COL12A1: variants seen among roughly 807,000 people sequenced by gnomAD.
COL12A1 encodes the protein collagen alpha-1(XII) chain.
In COL12A1, 114 loss-of-function variants were observed where a neutral mutation model predicts 349.7. The observed-to-expected ratio is 0.33, with a 90% CI of 0.28 to 0.38. The LOEUF (loss-of-function observed/expected upper bound fraction) is 0.38, where lower values mean the gene tolerates loss of function less well. Ranked by LOEUF, COL12A1 falls within the 10% of genes least tolerant of loss-of-function variation. The pLI is 1.00. For synonymous variants in COL12A1, 1,369 were observed against 1,329.0 expected, an observed-to-expected ratio of 1.03 and a Z score of -0.66; for missense variants, 3,284 against 3,756.9, an observed-to-expected ratio of 0.87 and a Z score of 3.29.
rs1295839184 is a variant in COL12A1, at chr6:75,089,192, G to T, written c.8942-18C>A. The T allele has an allele frequency of 6.3e-7, 1 of 1,582,972 alleles. No homozygotes were observed. Among genetic ancestry groups the T allele is most frequent in the South Asian group, 1.1e-5 (1 of 87,312 alleles). On this transcript the variant is annotated intron_variant, in intron 63 of 65. Coordinates refer to ENST00000322507, the MANE Select transcript of COL12A1 (RefSeq NM_004370.6). ...TGGCAAACCTAAGGAGGGAGAAAAA[G>T]AGAAAGCACAGGGGAAAAATTATCT... is the stretch of plus-strand genomic sequence containing the variant.
chr6:75,132,071 G>A lies in COL12A1; in HGVS notation c.5806C>T (p.Leu1936=). ...SDTGRTLMRG[L]ARNVQVYNPT... ...TTGTATACTTGGACATTTCTTGCCA[G>A]TCCTCTCATCACTGAGGAAATGAAG... is the stretch of plus-strand genomic sequence containing the variant. Residue 1936 remains leucine (L), a synonymous_variant, in exon 35 of 66, where the codon CTG becomes TTG. Transcript: ENST00000322507. 1 of 1,613,996 alleles carries A rather than the reference G, an allele frequency of 6.2e-7. No individual in the cohort carries two copies. Among genetic ancestry groups the A allele is most frequent in the East Asian group, 2.2e-5 (1 of 44,888 alleles).
At chr6:75,136,785 A>G (rs1766629460) in intron 31 of COL12A1, among the ~76,000 whole-genome samples, 2 of 152,218 alleles carry the variant, frequency 1.3e-5, no homozygotes, top group Non-Finnish European at 2.9e-5. Flanking sequence ...AAAGTTGTAG[A>G]AAGCCCAAAA....
chr6:75,135,292 A>T (rs1766538415), intron 31 of COL12A1, among the ~76,000 whole-genome samples: 1 of 152,214 alleles, frequency 6.6e-6, no homozygotes, highest in Admixed American at 6.5e-5. Flanking sequence ...TGCTTTAGAA[A>T]CACATTAAAA....
chr6:75,165,108 A>T (rs1044146905), intron 14 of COL12A1, among the ~76,000 whole-genome samples: 1 of 152,116 alleles, frequency 6.6e-6, no homozygotes, highest in African/African-American at 2.4e-5. Flanking sequence ...AAGAGACAAG[A>T]TTTATTATCT....
chr6:75,160,882 C>T (rs147907920), intron 14 of COL12A1, among the ~76,000 whole-genome samples: 3 of 152,146 alleles, frequency 2.0e-5, no homozygotes, highest in African/African-American at 7.2e-5. Flanking sequence ...AAAAACATCA[C>T]CAAACTTCTC....
intron 27 of COL12A1, among the ~76,000 whole-genome samples, chr6:75,139,249 A>G (rs1766775095): frequency 6.6e-6 from 1 of 152,198 alleles, no homozygotes; most frequent in Admixed American, 6.5e-5. Flanking sequence ...GGACTCTTTC[A>G]CACAGCAATA....
At chr6:75,102,167 C>A in intron 56 of COL12A1, 115 bp from the exon 57 acceptor site, 2 of 949,562 alleles carry the variant, frequency 2.1e-6, no homozygotes, top group African/African-American at 1.6e-5. Context: ...TGTAAGCGTT[C>A]AGAATGAGCA....
chr6:75,137,421 T>A lies in COL12A1; in HGVS notation c.5394+16A>T. 6.4e-7 allele frequency: 1 copy of A among 1,552,358 alleles called. No individual in the cohort carries two copies. Among genetic ancestry groups the A allele is most frequent in the Non-Finnish European group, 8.7e-7 (1 of 1,151,326 alleles). On this transcript the variant is annotated intron_variant, in intron 31 of 65. Transcript: ENST00000322507. Reference sequence around the variant, plus strand: ...GGTAGAATTAATCCAAGTTATAATTTTTATTAAAAAATTACCGTTTGCTCA... The same window carrying A: ...GGTAGAATTAATCCAAGTTATAATTATTATTAAAAAATTACCGTTTGCTCA...
chr6:75,101,796 A>T (rs1176001480), intron 57 of COL12A1, 143 bp from the exon 58 acceptor site: 15 of 1,004,606 alleles, frequency 1.5e-5, no homozygotes, highest in Non-Finnish European at 2.2e-5. Context: ...ATTGCCAAGC[A>T]TACAGTAGAT....
chr6:75,140,668 A>AAAAAAAAAAAAAAAAAAAAAAAAAAC (rs1766848289), intron 27 of COL12A1, among the ~76,000 whole-genome samples: 1 of 151,438 alleles, frequency 6.6e-6, no homozygotes, highest in African/African-American at 2.4e-5. Context: ...AAAAAAAAAA[A>AAAAAAAAAAAAAAAAAAAAAAAAAAC]AAAAAAAAAA....
chr6:75,092,634 G>T (rs554731839), intron 60 of COL12A1, among the ~76,000 whole-genome samples: 12 of 152,028 alleles, frequency 7.9e-5, no homozygotes, highest in African/African-American at 2.9e-4. Context: ...CAAGACTCTT[G>T]CCTGAAACTA....
intron 3 of COL12A1, among the ~76,000 whole-genome samples, chr6:75,193,657 T>C (rs560414461): frequency 6.6e-6 from 1 of 152,332 alleles, no homozygotes; most frequent in Admixed American, 6.5e-5. Context: ...TGTATACATG[T>C]GCCATGTTGG....
Position 75,119,420 on chromosome 6 carries a change from C to G in COL12A1, c.7140G>C (p.Thr2380=). 5.6e-6 allele frequency: 9 copies of G among 1,613,924 alleles called. No individual in the cohort carries two copies. The highest frequency in any genetic ancestry group is 7.6e-6 in the Non-Finnish European group (9 of 1,179,878). The change falls in exon 45 of 66, where the codon ACG becomes ACC. Residue 2380 remains threonine (T), a synonymous_variant. Coordinates refer to ENST00000322507, the MANE Select transcript of COL12A1 (RefSeq NM_004370.6). ...CAAGGGCTAGGGCCTTGTCATTGTA[C>G]GTGTTCAGCTTGAACTCAGACTTGA... The part of the protein sequence containing the change: ...DEVKSEFKLN[T]YNDKALALGA...
intron 15 of COL12A1, 95 bp from the exon 16 acceptor site, chr6:75,155,949 A>C: frequency 2.3e-6 from 3 of 1,306,782 alleles, no homozygotes; most frequent in Non-Finnish European, 3.1e-6. Flanking sequence ...ATCCATAAAA[A>C]GGGTTTAAGT....
At position 75,202,787 on chromosome 6, in the gene COL12A1, C is replaced by T. The variant is rs1223690918; in HGVS notation, c.6G>A (p.Arg2=). 6.4e-7 allele frequency: 1 copy of T among 1,551,794 alleles called. No individual in the cohort carries two copies. The highest frequency in any genetic ancestry group is 8.7e-7 in the Non-Finnish European group (1 of 1,146,996). Residue 2 remains arginine, a synonymous_variant, in exon 2 of 66, where the codon CGG becomes CGA. Transcript: ENST00000322507. The part of the protein sequence containing the change: M[R]SRLPPALAAL... The stretch of plus-strand genomic sequence containing the variant: ...CGGCAAGCGCTGGGGGAAGCCTACT[C>T]CGCATCCTTGGCCTCCGAGCTTACA...
In COL12A1 at chr6:75,102,633, A is replaced by G; in HGVS notation, c.8379T>C (p.Pro2793=). The G allele has an allele frequency of 6.4e-7, 1 of 1,568,056 alleles. No homozygotes were observed. The highest frequency in any genetic ancestry group is 8.6e-7 in the Non-Finnish European group (1 of 1,158,012). ...GPPGPQGPPG[P]QGPNGLSIPG... Reference sequence around the variant, plus strand: ...GAATAGAGAGTCCATTGGGTCCCTGAGGGCCTGGAGGACCCTGGGGGCCTG... The same window carrying G: ...GAATAGAGAGTCCATTGGGTCCCTGGGGGCCTGGAGGACCCTGGGGGCCTG... Residue 2793 remains proline (P), a synonymous_variant, in exon 56 of 66, where the codon CCT becomes CCC. Coordinates refer to ENST00000322507, the MANE Select transcript of COL12A1 (RefSeq NM_004370.6).
At chr6:75,095,020 T>G in intron 60 of COL12A1, 88 bp downstream of exon 60, 3 of 1,207,300 alleles carry the variant, frequency 2.5e-6, no homozygotes, top group South Asian at 1.4e-5. Flanking sequence ...ACAGCAGAGA[T>G]AACCTAAATA....
Position 75,099,352 on chromosome 6 carries a change from GA to G in COL12A1, c.8524-2047del, listed in dbSNP as rs970725879. Among the ~76,000 whole-genome samples, 3 of 152,064 alleles carry G rather than the reference GA, an allele frequency of 2.0e-5. No individual in the cohort carries two copies. The East Asian group carries it at 5.8e-4, about 29-fold the overall frequency. On this transcript the variant is annotated intron_variant, in intron 58 of 65. Transcript: ENST00000322507. ...AATATCACTTCTAAGGGCCACTTAA[GA>G]AAAAAATTCCCTATAATATTGCTTG...
intron 8 of COL12A1, among the ~76,000 whole-genome samples, chr6:75,187,820 T>A (rs781569917): frequency 2.8e-4 from 43 of 152,192 alleles, no homozygotes; most frequent in Admixed American, 1.3e-4. Context: ...TTCTCCCATG[T>A]ATTTAGAAGT....
Sources: gnomAD v4.1 joint callset for allele counts (sites outside exome capture counted in the v4.1 genomes callset) on GRCh38, gnomAD v4.1.1 for gene constraint, MANE v1.5 for transcripts, NCBI Gene and HGNC (gene_info 2026-07-23, HGNC 2026-07-21) for gene names.